The following PCSK2 variants were observed in gnomAD, a reference collection of about 807,000 sequenced individuals.
The protein encoded by PCSK2 is proprotein convertase subtilisin/kexin type 2, also known as neuroendocrine convertase 2.
In PCSK2, 14 loss-of-function variants were observed where a neutral mutation model predicts 69.7. The observed-to-expected ratio is 0.20, with a 90% CI of 0.13 to 0.31. PCSK2 has a LOEUF of 0.31. PCSK2 is among the 10% of genes least tolerant of loss of function. The probability of loss-of-function intolerance (pLI) is 1.00; values close to 1 mark genes in which losing one functional copy is unlikely to be tolerated. For missense variants in PCSK2, 544 were observed against 842.5 expected, an observed-to-expected ratio of 0.65 and a Z score of 4.39; for synonymous variants, 307 against 320.7, an observed-to-expected ratio of 0.96 and a Z score of 0.46.
chr20:17,227,246 G>A lies in PCSK2; in HGVS notation c.-60G>A. On this transcript the variant is annotated 5_prime_UTR_variant, in exon 1 of 12. Transcript: ENST00000262545. ...AATTCTTTATTTGCACCCTCCCTCC[G>A]AGTCCCCTGCTCCGCCAGCCTGCGC... 8.2e-7 allele frequency: 1 copy of A among 1,221,566 alleles called. No homozygotes were observed. Among genetic ancestry groups the A allele is most frequent in the Non-Finnish European group, 1.2e-6 (1 of 833,052 alleles). 75.7% of individuals were successfully genotyped at this position (1,221,566 alleles called of 1,614,324 possible).
chr20:17,297,512 G>A (rs893984235), intron 2 of PCSK2, among the ~76,000 whole-genome samples: 1 of 152,226 alleles, frequency 6.6e-6, no homozygotes, highest in Non-Finnish European at 1.5e-5. Context: ...ACTAGCTCAG[G>A]TTGACTGGAC....
At position 17,443,512 on chromosome 20, in the gene PCSK2, A is replaced by G. The variant is rs185410345; in HGVS notation, c.885+6629A>G. On this transcript the variant is annotated intron_variant, in intron 8 of 11. Transcript: ENST00000262545. Reference sequence around the variant, plus strand: ...CCAGACCAGGTGACAGCAGGTGCCCAGGGGAACAGTTGGCAGATTCCCCCT... The same window carrying G: ...CCAGACCAGGTGACAGCAGGTGCCCGGGGGAACAGTTGGCAGATTCCCCCT... Among the ~76,000 whole-genome samples, 450 of 152,318 alleles carry G rather than the reference A, an allele frequency of 3.0e-3. 15 individuals carry two copies. Among genetic ancestry groups the G allele is most frequent in the Admixed American group, 0.028 (431 of 15,294 alleles).
chr20:17,393,854 C>A (rs1453419351), intron 5 of PCSK2, among the ~76,000 whole-genome samples: 1 of 151,986 alleles, frequency 6.6e-6, no homozygotes, highest in Non-Finnish European at 1.5e-5. Flanking sequence ...ATGGCACTAG[C>A]ACATTAAAAA....
chr20:17,437,803 A>T (rs1028647183), intron 8 of PCSK2, among the ~76,000 whole-genome samples: 5 of 152,216 alleles, frequency 3.3e-5, no homozygotes, highest in African/African-American at 1.2e-4. Context: ...GGGATGGCTC[A>T]TCCGTCCTCC....
intron 1 of PCSK2, among the ~76,000 whole-genome samples, chr20:17,247,816 T>G (rs1448517870): frequency 6.6e-6 from 1 of 152,230 alleles, no homozygotes; most frequent in Non-Finnish European, 1.5e-5. Context: ...ATTTAACACT[T>G]CTTTTTATCT....
At chr20:17,438,834 G>A (rs768020299) in intron 8 of PCSK2, among the ~76,000 whole-genome samples, 3 of 152,232 alleles carry the variant, frequency 2.0e-5, no homozygotes, top group Non-Finnish European at 4.4e-5. Context: ...TGCAATTTAT[G>A]GTCCAGAGCC....
chr20:17,432,853 G>A (rs568666275), intron 7 of PCSK2, among the ~76,000 whole-genome samples: 21 of 152,274 alleles, frequency 1.4e-4, no homozygotes, highest in African/African-American at 3.9e-4. Flanking sequence ...GGAAGCTGGC[G>A]GACAGGTCCC....
intron 8 of PCSK2, 118 bp downstream of exon 8, chr20:17,437,001 A>G: frequency 1.2e-6 from 1 of 858,604 alleles, no homozygotes. Flanking sequence ...GTCCTGCAGG[A>G]ATCAGACAGC....
chr20:17,361,899 A>G (rs964738305), intron 4 of PCSK2, among the ~76,000 whole-genome samples: 2 of 152,158 alleles, frequency 1.3e-5, no homozygotes, highest in Non-Finnish European at 2.9e-5. Context: ...GTTCTTGAAA[A>G]CTGTTCCAAA....
chr20:17,460,286 A>G (rs979022117), intron 10 of PCSK2, among the ~76,000 whole-genome samples: 1 of 152,184 alleles, frequency 6.6e-6, no homozygotes. Flanking sequence ...AGAAAGAAAG[A>G]AAAGAAAGAA....
intron 5 of PCSK2, among the ~76,000 whole-genome samples, chr20:17,408,176 ATAC>A (rs1450217544): frequency 6.6e-6 from 1 of 152,092 alleles, no homozygotes; most frequent in Non-Finnish European, 1.5e-5. Flanking sequence ...GGCCCAGTGT[ATAC>A]TGTGAACCAA....
At chr20:17,358,684 G>A (rs2030289760) in intron 3 of PCSK2, among the ~76,000 whole-genome samples, 1 of 152,194 alleles carries the variant, frequency 6.6e-6, no homozygotes, top group Non-Finnish European at 1.5e-5. Flanking sequence ...AACAACTAGT[G>A]GAATTCTCTT....
chr20:17,380,175 G>C (rs1211530088), intron 5 of PCSK2, among the ~76,000 whole-genome samples: 7 of 152,142 alleles, frequency 4.6e-5, no homozygotes, highest in African/African-American at 1.4e-4. Flanking sequence ...AAGCCACTAT[G>C]TTTGTAATAA....
At chr20:17,468,327 G>A (rs1600604096) in intron 11 of PCSK2, among the ~76,000 whole-genome samples, 5 of 150,512 alleles carry the variant, frequency 3.3e-5, no homozygotes, top group Admixed American at 2.0e-4. Flanking sequence ...GCCTACCATA[G>A]GTCAGCATCC....
chr20:17,268,033 GTATATATATATATATATA>G (rs753655282), intron 2 of PCSK2, among the ~76,000 whole-genome samples: 3 of 66,340 alleles, frequency 4.5e-5, no homozygotes, highest in Non-Finnish European at 8.8e-5. Flanking sequence ...TATCCAATGT[GTATATATATATATATATA>G]TATATATATA....
intron 2 of PCSK2, among the ~76,000 whole-genome samples, chr20:17,302,677 G>C (rs1437240533): frequency 2.0e-5 from 3 of 152,108 alleles, no homozygotes; most frequent in Non-Finnish European, 2.9e-5. Flanking sequence ...TTCAACTCCT[G>C]AATTCACACA....
intron 2 of PCSK2, among the ~76,000 whole-genome samples, chr20:17,346,739 G>A (rs1157423849): frequency 6.6e-6 from 1 of 152,158 alleles, no homozygotes; most frequent in Non-Finnish European, 1.5e-5. Context: ...ATCTGGCATA[G>A]AGCCTCCATC....
intron 2 of PCSK2, among the ~76,000 whole-genome samples, chr20:17,324,101 T>G (rs191670550): frequency 6.6e-6 from 1 of 152,228 alleles, no homozygotes; most frequent in East Asian, 1.9e-4. Flanking sequence ...CCCAATGGGA[T>G]TGACACCTAG....
intron 1 of PCSK2, among the ~76,000 whole-genome samples, chr20:17,243,893 T>G (rs1258807846): frequency 6.6e-6 from 1 of 152,016 alleles, no homozygotes; most frequent in African/African-American, 2.4e-5. Context: ...CTCTTCCAAA[T>G]TAAAAAAAGA....
Sources: allele counts gnomAD v4.1 joint callset (sites outside exome capture counted in the v4.1 genomes callset), GRCh38; gene constraint gnomAD v4.1.1; transcripts MANE v1.5; gene names NCBI Gene and HGNC (gene_info 2026-07-23, HGNC 2026-07-21).